Variants in GALNT8 observed in about 807,000 individuals in gnomAD.
GALNT8 encodes polypeptide N-acetylgalactosaminyltransferase 8.
In GALNT8, 66 loss-of-function variants were observed where a neutral mutation model predicts 62.7. The ratio of observed to expected loss-of-function variants is 1.05; its 90% CI spans 0.86 to 1.29. The LOEUF (loss-of-function observed/expected upper bound fraction) is 1.29. Among genes scored for constraint, GALNT8 ranks in the 50% most tolerant of loss-of-function variants. The pLI, the probability that GALNT8 is intolerant of heterozygous loss-of-function variation, is 0.00. For missense variants in GALNT8, 771 were observed against 791.8 expected (o/e 0.97, Z 0.32); for synonymous variants, 288 against 294.3 (o/e 0.98, Z 0.22).
In GALNT8 at chr12:4,739,035, CT is replaced by C. The variant is rs1946258227; in HGVS notation, c.510-125del. 4.6e-5 allele frequency: 24 copies of C among 520,772 alleles called. No homozygotes were observed. In the South Asian group the frequency reaches 1.0e-3, roughly 22 times the overall value. The allele number at this position is 520,772 out of a possible 1,614,324, so 32.3% of individuals were successfully genotyped here. A position where few individuals can be genotyped will look rare whatever the true frequency, so the allele number is the denominator to read the frequency against. On this transcript the variant is annotated intron_variant, in intron 2 of 10. Transcript: ENST00000252318. ...CTGTGATAAGCCACTAAGAGTTTTG[CT>C]TTCCAGTGAGTTTGAGGGGTGGATG...
At chr12:4,746,515 T>C (rs1167013508) in intron 6 of GALNT8, among the ~76,000 whole-genome samples, 1 of 152,122 alleles carries the variant, frequency 6.6e-6, no homozygotes, top group Admixed American at 6.5e-5. Context: ...ATGTCCCTAT[T>C]TCACTTGAGG....
intron 10 of GALNT8, among the ~76,000 whole-genome samples, chr12:4,766,865 C>G (rs1264922787): frequency 6.6e-6 from 1 of 151,890 alleles, no homozygotes; most frequent in Non-Finnish European, 1.5e-5. Flanking sequence ...GCTATGGAGT[C>G]TCTCTCCAGG....
intron 3 of GALNT8, among the ~76,000 whole-genome samples, chr12:4,741,255 C>CT (rs1338896625): frequency 1.3e-5 from 2 of 152,138 alleles, no homozygotes; most frequent in Non-Finnish European, 2.9e-5. Context: ...ATACCTTCCT[C>CT]TTTTTTTATT....
chr12:4,724,664 TATGC>T (rs1477707841), intron 1 of GALNT8, among the ~76,000 whole-genome samples: 2 of 152,200 alleles, frequency 1.3e-5, no homozygotes, highest in Non-Finnish European at 2.9e-5. Context: ...CCTGAACAAG[TATGC>T]ATGGTGTTCA....
At position 4,751,165 on chromosome 12, in the gene GALNT8, A is replaced by G. The variant is rs141284389; in HGVS notation, c.1173+4907A>G. Among the ~76,000 whole-genome samples, 1,106 of 152,322 alleles carry G rather than the reference A, an allele frequency of 7.3e-3. 15 individuals carry two copies. The highest frequency in any genetic ancestry group is 0.025 in the African/African-American group (1,059 of 41,572). ...AAACTTAAATGTAAAACTCAAAACTATAAAAACCCTGGAAGACAACCTAGG... is the reference window on the plus strand; with the variant it reads ...AAACTTAAATGTAAAACTCAAAACTGTAAAAACCCTGGAAGACAACCTAGG... On this transcript the variant is annotated intron_variant, in intron 6 of 10. Coordinates refer to ENST00000252318, the MANE Select transcript of GALNT8 (RefSeq NM_017417.2).
chr12:4,765,287 T>G, intron 9 of GALNT8, 92 bp from the exon 10 acceptor site: 1 of 1,262,854 alleles, frequency 7.9e-7, no homozygotes, highest in Non-Finnish European at 1.1e-6. Context: ...CCCAAGATCA[T>G]TCTTCCTGCT....
At position 4,763,383 on chromosome 12, in the gene GALNT8, A is replaced by G. The variant is rs1354493223; in HGVS notation, c.1490A>G (p.Tyr497Cys). 3 of 1,610,872 alleles carry G rather than the reference A, an allele frequency of 1.9e-6. No homozygotes were observed. The highest frequency in any genetic ancestry group is 2.2e-5 in the East Asian group (1 of 44,870). The change falls in exon 8 of 11, where the codon TAT becomes TGT. Residue 497 changes from tyrosine to cysteine, a missense_variant. By Grantham distance (194) the Tyr-to-Cys change is radical. Transcript: ENST00000252318. ...LLKPLHTIVG[Y>C]GRMKNLLDEN... ...AAGCCACTCCACACCATCGTGGGCT[A>G]TGGAAGAGTATGTATTATGAAATTG...
chr12:4,739,466 G>T (rs552302865), intron 3 of GALNT8, 137 bp downstream of exon 3: 5 of 633,846 alleles, frequency 7.9e-6, no homozygotes, highest in African/African-American at 1.8e-5. Flanking sequence ...TTTGTTAAGG[G>T]TCTATTTGTG....
chr12:4,739,101 T>G (rs1205393628), intron 2 of GALNT8, 62 bp from the exon 3 acceptor site: 19 of 1,000,042 alleles, frequency 1.9e-5, no homozygotes, highest in Admixed American at 4.6e-5. Context: ...AAAGGAAAGA[T>G]TGGATAGCAG....
At chr12:4,741,144 C>T (rs1946270463) in intron 3 of GALNT8, among the ~76,000 whole-genome samples, 1 of 152,116 alleles carries the variant, frequency 6.6e-6, no homozygotes, top group Non-Finnish European at 1.5e-5. Flanking sequence ...TCTTTAAGTA[C>T]CAGATAGGTT....
intron 6 of GALNT8, among the ~76,000 whole-genome samples, chr12:4,748,872 G>T (rs1271338251): frequency 6.6e-6 from 1 of 151,896 alleles, no homozygotes; most frequent in African/African-American, 2.4e-5. Context: ...CCATTTTTTG[G>T]TGTCCTCTTC....
Position 4,726,930 on chromosome 12 carries a change from G to A in GALNT8, c.509+101G>A. The A allele has an allele frequency of 1.0e-6, 1 of 996,484 alleles. No homozygotes were observed. Among genetic ancestry groups the A allele is most frequent in the Non-Finnish European group, 1.5e-6 (1 of 668,460 alleles). 61.7% of individuals were successfully genotyped at this position (996,484 alleles called of 1,614,324 possible). A position where few individuals can be genotyped will look rare whatever the true frequency, so the allele number is the denominator to read the frequency against. ...AAGGCTGGGGGAGTGGGGGATTGTT[G>A]GGGAAGGGGTTCAGGCTGAGCAAAG... On this transcript the variant is annotated intron_variant, in intron 2 of 10. Coordinates refer to ENST00000252318, the MANE Select transcript of GALNT8 (RefSeq NM_017417.2). This position sits in a 1 kb window ranked among gnomAD's most constrained non-coding sequence, Gnocchi z 4.1.
chr12:4,726,523 C>A lies in GALNT8; in HGVS notation c.212-9C>A. 6.2e-7 allele frequency: 1 copy of A among 1,603,546 alleles called. No individual in the cohort carries two copies. The highest frequency in any genetic ancestry group is 8.5e-7 in the Non-Finnish European group (1 of 1,172,794). On this transcript the variant is annotated splice_polypyrimidine_tract_variant and intron_variant, in intron 1 of 10. Transcript: ENST00000252318. The surrounding 1 kb of genome is among the most constrained non-coding windows in gnomAD (Gnocchi z 4.1). ...TTTTCTCTCCCACCCCTGTCCTCTT[C>A]ATTTGCAGAAGAAAGTATGAAATTA...
intron 2 of GALNT8, among the ~76,000 whole-genome samples, chr12:4,731,636 A>G (rs1326893849): frequency 1.3e-5 from 2 of 152,148 alleles, no homozygotes; most frequent in Admixed American, 6.5e-5. Context: ...TATGACCTTT[A>G]TTGTATTGAA....
At chr12:4,745,017 G>GT (rs1284940971) in intron 4 of GALNT8, among the ~76,000 whole-genome samples, 2 of 152,078 alleles carry the variant, frequency 1.3e-5, no homozygotes, top group East Asian at 1.9e-4. Context: ...TATTTTAAAG[G>GT]TTTTTCCCCA....
intron 6 of GALNT8, among the ~76,000 whole-genome samples, chr12:4,748,300 C>A (rs889966425): frequency 2.0e-5 from 3 of 152,088 alleles, no homozygotes; most frequent in African/African-American, 7.2e-5. Flanking sequence ...TTGCCCAGAC[C>A]AGTGTCCTAG....
At chr12:4,730,235 A>G (rs1289245363) in intron 2 of GALNT8, among the ~76,000 whole-genome samples, 3 of 151,788 alleles carry the variant, frequency 2.0e-5, no homozygotes, top group South Asian at 4.2e-4. Context: ...CTATTTGTCT[A>G]TTTTTGTTTT....
At chr12:4,771,057 G>A (rs1423237370) in intron 10 of GALNT8, among the ~76,000 whole-genome samples, 2 of 152,158 alleles carry the variant, frequency 1.3e-5, no homozygotes, top group African/African-American at 4.8e-5. Context: ...CCTCAGGATC[G>A]CTGATGGCTT....
rs1234370335 is a variant in GALNT8 at position 4,772,502 on chromosome 12, T to A, written c.1819T>A (p.Leu607Met). Reference protein sequence around the residue: ...KRCLEMKKDLLGSHVLVLQTC... With the variant: ...KRCLEMKKDLMGSHVLVLQTC... The stretch of plus-strand genomic sequence containing the variant: ...GTGTCTGGAGATGAAGAAGGATCTT[T>A]TGGGTAGCCACGTGCTTGTGCTCCA... Residue 607 changes from leucine (L) to methionine (M), a missense_variant, in exon 11 of 11, where the codon TTG (leucine) becomes ATG (methionine). Coordinates refer to ENST00000252318, the MANE Select transcript of GALNT8 (RefSeq NM_017417.2). 3 of 1,613,724 alleles carry A rather than the reference T, an allele frequency of 1.9e-6. No individual in the cohort carries two copies. The Admixed American group carries it at 5.0e-5, about 27-fold the overall frequency.
Sources: gnomAD v4.1 joint callset for allele counts (sites outside exome capture counted in the v4.1 genomes callset) on GRCh38, gnomAD v4.1.1 for gene constraint, Gnocchi (gnomAD v3.1) non-coding constraint, MANE v1.5 for transcripts, NCBI Gene and HGNC (gene_info 2026-07-23, HGNC 2026-07-21) for gene names.